MIB1: variants seen among roughly 807,000 people sequenced by gnomAD.
The protein encoded by MIB1 is E3 ubiquitin-protein ligase MIB1.
A neutral mutation model predicts 124.5 loss-of-function variants in MIB1; 278 were observed. The ratio of observed to expected loss-of-function variants is 2.23; its 90% confidence interval spans 2.02 to 2.47. MIB1 has a LOEUF of 2.47. MIB1 is among the 30% of genes most tolerant of loss of function. The probability of loss-of-function intolerance (pLI) is 0.00; values close to 1 mark genes in which losing one functional copy is unlikely to be tolerated. For missense variants in MIB1, 957 were observed against 1,254.4 expected, an observed-to-expected ratio of 0.76 and a Z score of 3.58; for synonymous variants, 446 against 429.4, an observed-to-expected ratio of 1.04 and a Z score of -0.48.
chr18:21,713,611 T>TCAAA (rs1325921240), intron 1 of MIB1, among the ~76,000 whole-genome samples: 8 of 46,576 alleles, frequency 1.7e-4, no homozygotes, highest in African/African-American at 9.6e-4. Context: ...AGATTCTGTC[T>TCAAA]CAAAAAAAAA....
At chr18:21,788,491 G>GA (rs1212743796) in intron 6 of MIB1, among the ~76,000 whole-genome samples, 1 of 152,270 alleles carries the variant, frequency 6.6e-6, no homozygotes, top group Admixed American at 6.5e-5. Flanking sequence ...GGACATCTAT[G>GA]AAAAACCACA....
At chr18:21,755,212 T>C (rs1174628955) in intron 1 of MIB1, among the ~76,000 whole-genome samples, 1 of 152,206 alleles carries the variant, frequency 6.6e-6, no homozygotes, top group East Asian at 1.9e-4. Flanking sequence ...TTTTTTATCT[T>C]TGTAAGCCTG....
chr18:21,855,696 G>A (rs1539860), intron 18 of MIB1, among the ~76,000 whole-genome samples: 77,193 of 152,090 alleles, frequency 0.51, 23,469 homozygotes, highest in Non-Finnish European at 0.67. Flanking sequence ...TAGGAGTGTA[G>A]GCCCTACTTT....
intron 10 of MIB1, 57 bp from the exon 11 acceptor site, chr18:21,815,559 C>T (rs2041821964): frequency 2.8e-6 from 4 of 1,451,548 alleles, no homozygotes; most frequent in Non-Finnish European, 2.9e-6. Context: ...ATTATAGCTT[C>T]AAGGTTTTTT....
At chr18:21,748,857 C>T (rs150517030) in intron 1 of MIB1, among the ~76,000 whole-genome samples, 1,867 of 151,362 alleles carry the variant, frequency 0.012, 48 homozygotes, top group African/African-American at 0.043. Flanking sequence ...CTCAGCCTCC[C>T]GAGTAGCTAG....
chr18:21,741,812 G>A lies in MIB1; in HGVS notation c.229G>A (p.Gly77Ser), dbSNP rs780021227. 19 of 1,592,234 alleles carry A rather than the reference G, an allele frequency of 1.2e-5. No individual in the cohort carries two copies. Among genetic ancestry groups the A allele is most frequent in the Admixed American group, 3.5e-5 (2 of 57,554 alleles). Reference protein sequence around the residue: ...DLRILDSAPTGIKHDGTMCDT... With the variant: ...DLRILDSAPTSIKHDGTMCDT... ...CCGCATCCTGGACAGCGCGCCCACCGGTAAGCCGCGGCCACCTGGCCAGGG... is the reference window on the plus strand; with the variant it reads ...CCGCATCCTGGACAGCGCGCCCACCAGTAAGCCGCGGCCACCTGGCCAGGG... Residue 77 changes from glycine (G) to serine (S), a missense_variant and splice_region_variant, in exon 1 of 21, where the codon GGC (glycine) becomes AGC (serine). Transcript: ENST00000261537. This position sits in a 1 kb window ranked among gnomAD's most constrained non-coding sequence, Gnocchi z 5.4.
rs561166598 is a variant in MIB1 at position 21,765,915 on chromosome 18, T to C, written c.373T>C (p.Tyr125His). ...TAAACATCATTTAAGACATCGCTTT[T>C]ACCGAATTACTACACCGGGAAGTGA... ...GDKHHLRHRF[Y>H]RITTPGSERV... The change falls in exon 2 of 21, where the codon TAC becomes CAC. Residue 125 changes from tyrosine to histidine, a missense_variant. Transcript: ENST00000261537. The C allele has an allele frequency of 6.2e-7, 1 of 1,614,124 alleles. No individual in the cohort carries two copies. The highest frequency in any genetic ancestry group is 1.3e-5 in the African/African-American group (1 of 75,050).
chr18:21,716,767 G>A (rs1315736500), intron 1 of MIB1, among the ~76,000 whole-genome samples: 2 of 152,278 alleles, frequency 1.3e-5, no homozygotes, highest in East Asian at 3.9e-4. Context: ...CAGGAGAATG[G>A]CGTGAAGCCG....
At chr18:21,743,580 A>G (rs2040880459) in intron 1 of MIB1, among the ~76,000 whole-genome samples, 1 of 151,872 alleles carries the variant, frequency 6.6e-6, no homozygotes, top group Non-Finnish European at 1.5e-5. Flanking sequence ...ACGTTTTGTG[A>G]GTTGAAACTG....
rs532935804 is a variant in MIB1 at position 21,813,697 on chromosome 18, A to G, written c.1480-1919A>G. Reference sequence around the variant, plus strand: ...GTTCTGTAACTGTTTTGAATGAACTATTTAAGTGCATTTAATCATAACAGT... The same window carrying G: ...GTTCTGTAACTGTTTTGAATGAACTGTTTAAGTGCATTTAATCATAACAGT... On this transcript the variant is annotated intron_variant, in intron 10 of 20. Transcript: ENST00000261537. 7.5e-4 allele frequency among the ~76,000 whole-genome samples: 114 copies of G among 152,320 alleles called. 1 individual carries two copies. In the South Asian group the frequency reaches 0.019, roughly 25 times the overall value.
At chr18:21,764,052 A>G (rs2041128619) in intron 1 of MIB1, among the ~76,000 whole-genome samples, 1 of 152,128 alleles carries the variant, frequency 6.6e-6, no homozygotes, top group Non-Finnish European at 1.5e-5. Context: ...CAGTAGTAAT[A>G]AAGAAATAGT....
At position 21,710,369 on chromosome 18, in the gene MIB1, C is replaced by T. The variant is rs143696988; in HGVS notation, n.167+5246C>T. Among the ~76,000 whole-genome samples the T allele has an allele frequency of 8.8e-3, 1,340 of 152,308 alleles. 21 individuals are homozygous for T. Among genetic ancestry groups the T allele is most frequent in the African/African-American group, 0.03 (1,252 of 41,582 alleles). ...TGAGCCTTCCAGAGTTCTGGGATTACAGGCGTGAGCCACTGCACCTGGCCT... is the reference window on the plus strand; with the variant it reads ...TGAGCCTTCCAGAGTTCTGGGATTATAGGCGTGAGCCACTGCACCTGGCCT... On this transcript the variant is annotated intron_variant and non_coding_transcript_variant, in intron 1 of 20. Coordinates refer to the MIB1 transcript ENST00000578646.
intron 18 of MIB1, among the ~76,000 whole-genome samples, chr18:21,855,419 A>G (rs187003122): frequency 1.1e-4 from 17 of 152,392 alleles, no homozygotes; most frequent in Non-Finnish European, 1.8e-4. Context: ...AAGCAAAGAT[A>G]GAAACAATAC....
At chr18:21,827,146 T>G (rs1176783219) in intron 12 of MIB1, 3 of 152,090 alleles carry the variant, frequency 2.0e-5, no homozygotes, top group African/African-American at 7.2e-5. Flanking sequence ...GTTATCCCTG[T>G]CAGGGAGACA....
At chr18:21,833,400 T>A (rs2042001237) in intron 12 of MIB1, among the ~76,000 whole-genome samples, 1 of 152,220 alleles carries the variant, frequency 6.6e-6, no homozygotes, top group African/African-American at 2.4e-5. Flanking sequence ...AACCTGCTTT[T>A]AGCATGCCCA....
At chr18:21,767,553 T>G (rs2041176197) in intron 2 of MIB1, among the ~76,000 whole-genome samples, 1 of 152,158 alleles carries the variant, frequency 6.6e-6, no homozygotes. Context: ...TGGCTATTTT[T>G]TTTTTGTTTT....
At chr18:21,750,419 T>G (rs1228542122) in intron 1 of MIB1, among the ~76,000 whole-genome samples, 1 of 151,760 alleles carries the variant, frequency 6.6e-6, no homozygotes, top group African/African-American at 2.4e-5. Context: ...GCTCCGCCTC[T>G]CGGGTTCATG....
At chr18:21,840,665 ATTTTTTTT>A (rs375520508) in intron 13 of MIB1, among the ~76,000 whole-genome samples, 1 of 3,138 alleles carries the variant, frequency 3.2e-4, no homozygotes, top group African/African-American at 4.3e-4. Flanking sequence ...ATATATATAT[ATTTTTTTT>A]TTTTTTTAAT....
chr18:21,848,453 A>G (rs1283578572), intron 16 of MIB1, among the ~76,000 whole-genome samples: 5 of 150,364 alleles, frequency 3.3e-5, no homozygotes, highest in Non-Finnish European at 7.4e-5. Context: ...TCTGTCTCCA[A>G]AAAAAAAAAT....
Sources: gnomAD v4.1 joint callset for allele counts (sites outside exome capture counted in the v4.1 genomes callset) on GRCh38, gnomAD v4.1.1 for gene constraint, Gnocchi (gnomAD v3.1) non-coding constraint, MANE v1.5 for transcripts, NCBI Gene and HGNC (gene_info 2026-07-23, HGNC 2026-07-21) for gene names.